The following STXBP2 variants were observed in gnomAD, a reference collection of about 807,000 sequenced individuals.
STXBP2 encodes the protein syntaxin-binding protein 2.
STXBP2 carries 47 observed loss-of-function variants against 72.2 expected under a neutral mutation model. The observed-to-expected ratio is 0.65, with a 90% CI of 0.51 to 0.83. STXBP2 has a LOEUF of 0.83. Ranked by LOEUF, STXBP2 falls within the 40% of genes least tolerant of loss-of-function variation. The pLI is 0.00. For synonymous variants in STXBP2, 367 were observed against 338.7 expected (o/e 1.08, Z -0.92); for missense variants, 702 against 807.6 (o/e 0.87, Z 1.58).
chr19:7,642,493 T>A lies in STXBP2; in HGVS notation c.859T>A (p.Leu287Met), dbSNP rs1415856265. The change falls in exon 10 of 19, where the codon TTG (leucine) becomes ATG (methionine). Residue 287 changes from leucine to methionine, a missense_variant. Transcript: ENST00000221283. This position sits in a 1 kb window ranked among gnomAD's most constrained non-coding sequence, Gnocchi z 6.0. Reference protein sequence around the residue: ...KAVLLDEDDDLWVELRHMHIA... With the variant: ...KAVLLDEDDDMWVELRHMHIA... ...CGTCTTGCTGGACGAGGACGATGACTTGTGGGTGGAGCTTCGCCACATGCA... is the reference window on the plus strand; with the variant it reads ...CGTCTTGCTGGACGAGGACGATGACATGTGGGTGGAGCTTCGCCACATGCA... 1.2e-6 allele frequency: 2 copies of A among 1,613,968 alleles called. No homozygotes were observed. The highest frequency in any genetic ancestry group is 1.7e-6 in the Non-Finnish European group (2 of 1,180,028).
chr19:7,639,191 T>A (rs2031689532), intron 3 of STXBP2, 91 bp downstream of exon 3: 2 of 1,366,806 alleles, frequency 1.5e-6, no homozygotes, highest in Admixed American at 3.8e-5. Flanking sequence ...GAGTGTAGGA[T>A]CCCCTCAAAT....
intron 13 of STXBP2, among the ~76,000 whole-genome samples, chr19:7,643,452 G>A (rs1182993900): frequency 6.6e-6 from 1 of 152,110 alleles, no homozygotes; most frequent in Non-Finnish European, 1.5e-5. Context: ...CCTGTGCATA[G>A]GTGGATGGGG....
intron 13 of STXBP2, 27 bp from the exon 14 acceptor site, chr19:7,644,587 G>C (rs1240501724): frequency 6.2e-7 from 1 of 1,609,170 alleles, no homozygotes; most frequent in Admixed American, 1.7e-5. Context: ...CATAGCGGCC[G>C]GTGGACGGCT....
chr19:7,630,603 A>G, the STXBP2 span: 3 of 1,536,940 alleles, frequency 2.0e-6, no homozygotes, highest in South Asian at 1.2e-5. Flanking sequence ...CCCTGTGGCT[A>G]TGTTCTGGGT....
rs777931856 is a variant in STXBP2, at chr19:7,640,231, CGTCTGTGTGT to C, written c.246+425_246+434del. The C allele has an allele frequency of 5.4e-5, 24 of 445,138 alleles. 1 individual carries two copies. The highest frequency in any genetic ancestry group is 3.6e-4 in the South Asian group (22 of 61,234). 27.6% of individuals were successfully genotyped at this position (445,138 alleles called of 1,614,324 possible). Reference sequence around the variant, plus strand: ...ATGTATGTGTCTGCGTCTGTGTGTGCGTCTGTGTGTATCTGTGTGTGCATGTGTGTATGCG... The same window carrying C: ...ATGTATGTGTCTGCGTCTGTGTGTGCATCTGTGTGTGCATGTGTGTATGCG... On this transcript the variant is annotated intron_variant, in intron 4 of 18. Coordinates refer to ENST00000221283, the MANE Select transcript of STXBP2 (RefSeq NM_006949.4).
rs369000333 is a variant in STXBP2 at position 7,645,310 on chromosome 19, C to A, written c.1356+4C>A. 16 of 1,576,236 alleles carry A rather than the reference C, an allele frequency of 1.0e-5. No individual in the cohort carries two copies. The South Asian group carries it at 1.9e-4, about 18-fold the overall frequency. On this transcript the variant is annotated splice_donor_region_variant and intron_variant, in intron 15 of 18. Coordinates refer to ENST00000221283, the MANE Select transcript of STXBP2 (RefSeq NM_006949.4). ...AGGCACTGTCACCAACCCCGGGGTA[C>A]GCCAGGAGCGGGCATGGGGGGACCC...
Position 7,644,748 on chromosome 19 carries a change from G to C in STXBP2, c.1242G>C (p.Arg414=). 2 of 1,613,542 alleles carry C rather than the reference G, an allele frequency of 1.2e-6. No homozygotes were observed. The highest frequency in any genetic ancestry group is 1.1e-5 in the South Asian group (1 of 91,082). ...IRVLLLYILL[R]NGVSEENLAK... ...TCCTGCTGCTCTACATCCTCCTTCG[G>C]AATGGTGGGTGGGGGCTGCAGGGAG... The change falls in exon 14 of 19, where the codon CGG becomes CGC. Residue 414 remains arginine, a synonymous_variant. Transcript: ENST00000221283.
intron 2 of STXBP2, 56 bp from the exon 3 acceptor site, chr19:7,638,963 C>T: frequency 1.2e-6 from 2 of 1,605,902 alleles, no homozygotes; most frequent in Admixed American, 1.7e-5. Context: ...CCTTCTGGGG[C>T]CAGCTGTGGC....
Position 7,642,010 on chromosome 19 carries a change from C to G in STXBP2, c.579-24C>G. ...CTTGACCCCATCCCCTGATGATGTC[C>G]CCCGTGTCTGACCTCCCCGCCAGGG... is the stretch of plus-strand genomic sequence containing the variant. On this transcript the variant is annotated intron_variant, in intron 7 of 18. Coordinates refer to ENST00000221283, the MANE Select transcript of STXBP2 (RefSeq NM_006949.4). The surrounding 1 kb of genome is among the most constrained non-coding windows in gnomAD (Gnocchi z 6.0). 6.2e-7 allele frequency: 1 copy of G among 1,613,654 alleles called. No individual in the cohort carries two copies. The highest frequency in any genetic ancestry group is 8.5e-7 in the Non-Finnish European group (1 of 1,179,690).
intron 13 of STXBP2, 147 bp from the exon 14 acceptor site, chr19:7,644,467 G>A (rs995284311): frequency 9.4e-7 from 1 of 1,069,032 alleles, no homozygotes; most frequent in Admixed American, 2.1e-5. Flanking sequence ...CCCTGGACAG[G>A]GGTGGGACCT....
At chr19:7,647,037 G>A (rs1320614523) in intron 16 of STXBP2, 125 bp from the exon 17 acceptor site, 2 of 953,890 alleles carry the variant, frequency 2.1e-6, no homozygotes, top group African/African-American at 3.2e-5. Context: ...TCCCCCAGAG[G>A]CAGGAGGTGG....
At chr19:7,639,370 C>A in intron 3 of STXBP2, 1 of 597,082 alleles carries the variant, frequency 1.7e-6, no homozygotes. Context: ...CCTCGTGGAG[C>A]CCTGTGTGGG....
upstream of STXBP2, chr19:7,632,861 C>T (rs563746051): frequency 1.3e-6 from 2 of 1,539,722 alleles, no homozygotes; most frequent in East Asian, 2.4e-5. The surrounding 1 kb of genome is among the most constrained non-coding windows in gnomAD (Gnocchi z 5.2). Flanking sequence ...TCTGGTTGGC[C>T]CTTCAGCTTG....
upstream of STXBP2, chr19:7,632,825 G>T (rs1379864127): frequency 1.9e-6 from 3 of 1,549,882 alleles, no homozygotes; most frequent in Middle Eastern, 1.7e-4. The surrounding 1 kb of genome is among the most constrained non-coding windows in gnomAD (Gnocchi z 5.2). Flanking sequence ...GGTCTGGGGA[G>T]CCCGCCTGGG....
intron 14 of STXBP2, 162 bp downstream of exon 14, chr19:7,644,914 C>G: frequency 6.8e-7 from 1 of 1,472,138 alleles, no homozygotes; most frequent in East Asian, 2.5e-5. Flanking sequence ...CCTCCATTGG[C>G]TTGGGGATTC....
In STXBP2 at chr19:7,639,714, TC is replaced by T. The variant is rs1244539546; in HGVS notation, c.170-15del. On this transcript the variant is annotated splice_polypyrimidine_tract_variant and intron_variant, in intron 3 of 18. Coordinates refer to ENST00000221283, the MANE Select transcript of STXBP2 (RefSeq NM_006949.4). ...CTGGATGCCACCCACCTGTGTCCCT[TC>T]CTCTGTTCCTACTAGTTGTTGAAGA... is the stretch of plus-strand genomic sequence containing the variant. 3 of 1,611,762 alleles carry T rather than the reference TC, an allele frequency of 1.9e-6. No individual in the cohort carries two copies. The African/African-American group carries it at 4.0e-5, about 22-fold the overall frequency.
chr19:7,642,476 T>C lies in STXBP2; in HGVS notation c.842T>C (p.Leu281Pro), dbSNP rs748802312. The change falls in exon 10 of 19, where the codon CTG becomes CCG. Residue 281 changes from leucine to proline, a missense_variant. Coordinates refer to ENST00000221283, the MANE Select transcript of STXBP2 (RefSeq NM_006949.4). This position sits in a 1 kb window ranked among gnomAD's most constrained non-coding sequence, Gnocchi z 6.0. ...GAGGCGCGGGAGAAGGCCGTCTTGC[T>C]GGACGAGGACGATGACTTGTGGGTG... ...LSEAREKAVL[L>P]DEDDDLWVEL... 4.3e-6 allele frequency: 7 copies of C among 1,613,980 alleles called. No individual in the cohort carries two copies. The highest frequency in any genetic ancestry group is 5.9e-6 in the Non-Finnish European group (7 of 1,180,046).
At position 7,647,422 on chromosome 19, in the gene STXBP2, T is replaced by A; in HGVS notation, c.1607T>A (p.Val536Glu). 1 of 1,613,552 alleles carries A rather than the reference T, an allele frequency of 6.2e-7. No individual in the cohort carries two copies. Among genetic ancestry groups the A allele is most frequent in the Non-Finnish European group, 8.5e-7 (1 of 1,179,926 alleles). Residue 536 changes from valine (V) to glutamate (E), a missense_variant, in exon 18 of 19, where the codon GTG becomes GAG. By Grantham distance (121) the Val-to-Glu change is moderately radical (BLOSUM62 -2). Transcript: ENST00000221283. ...IEARAGPRLI[V>E]YVMGGVAMSE... ...GCCCGGGCGGGCCCCCGGCTCATCG[T>A]GTATGTCATGGGCGGTGTGGCCATG...
the STXBP2 span, chr19:7,630,190 CAG>C: frequency 4.3e-6 from 2 of 462,046 alleles, no homozygotes; most frequent in Non-Finnish European, 7.7e-6. Context: ...GTGTCTATGA[CAG>C]GGAGATTCCT....
Sources: allele counts gnomAD v4.1 joint callset (sites outside exome capture counted in the v4.1 genomes callset), GRCh38; gene constraint gnomAD v4.1.1; non-coding constraint Gnocchi (gnomAD v3.1); transcripts MANE v1.5; gene names NCBI Gene and HGNC (gene_info 2026-07-23, HGNC 2026-07-21).